MUC5B: variants seen among roughly 807,000 people sequenced by gnomAD.
MUC5B encodes the protein mucin 5B, oligomeric mucus/gel-forming.
MUC5B carries 116 observed loss-of-function variants against 376.9 expected under a neutral mutation model. That is an observed-to-expected ratio of 0.31 (90% CI 0.26 to 0.36). The LOEUF (loss-of-function observed/expected upper bound fraction) is 0.36. MUC5B is among the 10% of genes least tolerant of loss of function. The pLI, the probability that MUC5B is intolerant of heterozygous loss-of-function variation, is 1.00. For missense variants in MUC5B, 7,165 were observed against 7,769.9 expected, an observed-to-expected ratio of 0.92 and a Z score of 2.93; for synonymous variants, 3,517 against 3,390.9, an observed-to-expected ratio of 1.04 and a Z score of -1.29.
rs1414401348 is a variant in MUC5B at position 1,243,719 on chromosome 11, C to A, written c.6839C>A (p.Ser2280Tyr). ...TTTPGHTTAT[S>Y]RTTATATPSK... is the part of the protein sequence containing the mutation. ...ACCCCGGGCCACACCACGGCCACCT[C>A]CAGGACCACAGCCACGGCCACACCC... is the stretch of plus-strand genomic sequence containing the variant. Residue 2280 changes from serine to tyrosine, a missense_variant, in exon 31 of 49, where the codon TCC (serine) becomes TAC (tyrosine). By Grantham distance (144) the Ser-to-Tyr change is moderately radical (BLOSUM62 -2). This residue lies in a region of MUC5B where 79 missense variants were observed against 63.0 expected (regional missense o/e 1.25). Transcript: ENST00000529681. The A allele has an allele frequency of 5.0e-6, 8 of 1,611,642 alleles. No individual in the cohort carries two copies. The African/African-American group carries it at 6.7e-5, about 13-fold the overall frequency.
chr11:1,255,571 G>A lies in MUC5B; in HGVS notation c.16066+13G>A, dbSNP rs1056112929. The A allele has an allele frequency of 6.5e-5, 97 of 1,502,104 alleles. No individual in the cohort carries two copies. Among genetic ancestry groups the A allele is most frequent in the Non-Finnish European group, 7.3e-5 (82 of 1,119,670 alleles). 93.0% of individuals were successfully genotyped at this position (1,502,104 alleles called of 1,614,324 possible). A position where few individuals can be genotyped will look rare whatever the true frequency, so the allele number is the denominator to read the frequency against. On this transcript the variant is annotated intron_variant, in intron 37 of 48. Coordinates refer to ENST00000529681, the MANE Select transcript of MUC5B (RefSeq NM_002458.3). ...GGTGGCCTGTGCGGTGAGTGGGGGC[G>A]GCCCCGGGCCCCCCAGACCCCTCGG...
At position 1,255,191 on chromosome 11, in the gene MUC5B, C is replaced by A; in HGVS notation, c.15815C>A (p.Pro5272His). ...APTGTPPTAS[P>H]AAPVSSTPTP... ...ACTGGCACACCCCCCACTGCCAGCC[C>A]CGCAGCCCCGGTGTCTAGCACACCC... is the stretch of plus-strand genomic sequence containing the variant. The change falls in exon 36 of 49, where the codon CCC becomes CAC. Residue 5272 changes from proline (P) to histidine (H), a missense_variant. By Grantham distance (77) the Pro-to-His change is moderately conservative (BLOSUM62 -2). This residue lies in a region of MUC5B where 842 missense variants were observed against 1,016.9 expected (regional missense o/e 0.83). Transcript: ENST00000529681. The A allele has an allele frequency of 6.4e-7, 1 of 1,551,140 alleles. No individual in the cohort carries two copies. Among genetic ancestry groups the A allele is most frequent in the Non-Finnish European group, 8.7e-7 (1 of 1,147,364 alleles).
In MUC5B at chr11:1,233,227, G is replaced by A. The variant is rs1862073912; in HGVS notation, c.2280G>A (p.Val760=). 6.3e-7 allele frequency: 1 copy of A among 1,594,142 alleles called. No individual in the cohort carries two copies. ...QECPCYAHGT[V]LAPGEVVHDE... is the part of the protein sequence containing the mutation. Reference sequence around the variant, plus strand: ...GCCCCTGCTACGCTCACGGCACCGTGCTGGCTCCTGGAGAGGTGGTGCACG... The same window carrying A: ...GCCCCTGCTACGCTCACGGCACCGTACTGGCTCCTGGAGAGGTGGTGCACG... The change falls in exon 18 of 49, where the codon GTG becomes GTA. Residue 760 remains valine, a synonymous_variant. Transcript: ENST00000529681.
Position 1,250,239 on chromosome 11 carries a change from G to A in MUC5B, c.13359G>A (p.Pro4453=), listed in dbSNP as rs527423680. 50 of 1,603,406 alleles carry A rather than the reference G, an allele frequency of 3.1e-5. No individual in the cohort carries two copies. Among genetic ancestry groups the A allele is most frequent in the Admixed American group, 8.4e-5 (5 of 59,816 alleles). The part of the protein sequence containing the change: ...TPGTTWILTE[P]STTATVTVPT... Reference sequence around the variant, plus strand: ...GGACCACCTGGATCCTCACAGAGCCGAGCACTACAGCCACCGTGACGGTGC... The same window carrying A: ...GGACCACCTGGATCCTCACAGAGCCAAGCACTACAGCCACCGTGACGGTGC... Residue 4453 remains proline, a synonymous_variant, in exon 31 of 49, where the codon CCG becomes CCA. Coordinates refer to ENST00000529681, the MANE Select transcript of MUC5B (RefSeq NM_002458.3).
chr11:1,255,312 C>A, intron 36 of MUC5B, 46 bp downstream of exon 36: 1 of 1,512,286 alleles, frequency 6.6e-7, no homozygotes, highest in Non-Finnish European at 8.9e-7. Flanking sequence ...CGCCCCCGCC[C>A]GCCCGCATGC....
rs1356096555 is a variant in MUC5B at position 1,254,897 on chromosome 11, T to C, written c.15664+17T>C. ...GCCAGTGCGGTGAGTGGGCGGCGGG[T>C]CCTGCCCCGGCCAGGGCTGCTGCTG... On this transcript the variant is annotated intron_variant, in intron 35 of 48. Transcript: ENST00000529681. The C allele has an allele frequency of 6.4e-7, 1 of 1,568,614 alleles. No homozygotes were observed. Among genetic ancestry groups the C allele is most frequent in the Admixed American group, 1.8e-5 (1 of 57,026 alleles).
Position 1,257,670 on chromosome 11 carries a change from GC to G in MUC5B, c.16414del (p.Arg5472GlyfsTer130). The stretch of plus-strand genomic sequence containing the variant: ...GTCCCGGCTTCGTAACCGTGACCAG[GC>G]CCCGGGCCGAGAACCCCTGCTGCCC... Reference protein sequence around the residue: ...NRPGFVTVTRPRAENPCCPET... With the variant: ...NRPGFVTVTRXRAENPCCPET... On this transcript the variant is annotated frameshift_variant, in exon 41 of 49. Transcript: ENST00000529681. LOFTEE classifies it high-confidence loss of function. The surrounding 1 kb of genome is among the most constrained non-coding windows in gnomAD (Gnocchi z 8.9). The G allele has an allele frequency of 6.3e-7, 1 of 1,578,486 alleles. No individual in the cohort carries two copies.
At chr11:1,238,408 C>T (rs542522418) in intron 25 of MUC5B, among the ~76,000 whole-genome samples, 2 of 152,162 alleles carry the variant, frequency 1.3e-5, no homozygotes, top group East Asian at 1.9e-4. Flanking sequence ...GTTGGTTCCG[C>T]TGGAGGGAAG....
chr11:1,251,352 A>T lies in MUC5B; in HGVS notation c.14472A>T (p.Thr4824=). The change falls in exon 31 of 49, where the codon ACA becomes ACT. Residue 4824 remains threonine, a synonymous_variant. Coordinates refer to ENST00000529681, the MANE Select transcript of MUC5B (RefSeq NM_002458.3). ...GTTRILTELT[T]TATTTAATGS... Reference sequence around the variant, plus strand: ...CCCGGATCCTCACTGAGCTGACCACAACAGCCACTACAACTGCAGCCACTG... The same window carrying T: ...CCCGGATCCTCACTGAGCTGACCACTACAGCCACTACAACTGCAGCCACTG... 1 of 1,602,358 alleles carries T rather than the reference A, an allele frequency of 6.2e-7. No individual in the cohort carries two copies. Among genetic ancestry groups the T allele is most frequent in the Non-Finnish European group, 8.5e-7 (1 of 1,174,462 alleles).
In MUC5B at chr11:1,247,548, C is replaced by G; in HGVS notation, c.10668C>G (p.Ser3556Arg). ...CCCGCACCTCGACCCTGCTGCCCAG[C>G]AGCCCCACATCGGCCCCCATAACCA... is the stretch of plus-strand genomic sequence containing the variant. ...SKTRTSTLLPSSPTSAPITTV... is the reference protein window; with the variant it reads ...SKTRTSTLLPRSPTSAPITTV... The change falls in exon 31 of 49, where the codon AGC becomes AGG. Residue 3556 changes from serine (S) to arginine (R), a missense_variant. This residue lies in a region of MUC5B where 939 missense variants were observed against 770.6 expected (regional missense o/e 1.22). Transcript: ENST00000529681. 6.2e-7 allele frequency: 1 copy of G among 1,611,026 alleles called. No individual in the cohort carries two copies. The highest frequency in any genetic ancestry group is 8.5e-7 in the Non-Finnish European group (1 of 1,179,430).
In MUC5B at chr11:1,258,412, T is replaced by C; in HGVS notation, c.16593+45T>C. ...TGGGTGTGGCCCTGGGGCCTGAACA[T>C]GTGTGTGGGATGCCCCGGGGCTCTC... is the stretch of plus-strand genomic sequence containing the variant. On this transcript the variant is annotated intron_variant, in intron 43 of 48. Transcript: ENST00000529681. The surrounding 1 kb of genome is among the most constrained non-coding windows in gnomAD (Gnocchi z 5.5). The C allele has an allele frequency of 6.2e-7, 1 of 1,604,914 alleles. No individual in the cohort carries two copies. The highest frequency in any genetic ancestry group is 2.2e-5 in the East Asian group (1 of 44,736).
chr11:1,235,271 C>T (rs767277899), intron 22 of MUC5B, 32 bp from the exon 23 acceptor site: 54 of 1,610,578 alleles, frequency 3.4e-5, no homozygotes, highest in South Asian at 1.4e-4. Flanking sequence ...CACTCCAGCC[C>T]GCGGCCAGCA....
rs552388914 is a variant in MUC5B at position 1,258,676 on chromosome 11, T to C, written c.16594-266T>C. On this transcript the variant is annotated intron_variant, in intron 43 of 48. Transcript: ENST00000529681. The surrounding 1 kb of genome is among the most constrained non-coding windows in gnomAD (Gnocchi z 5.5). ...CCAGATTCCTACCCGCCCGGATTCC[T>C]GCCTGCCAGATTCCTGCCCCCATGG... Among the ~76,000 whole-genome samples, 1 of 152,118 alleles carries C rather than the reference T, an allele frequency of 6.6e-6. No homozygotes were observed.
At position 1,251,307 on chromosome 11, in the gene MUC5B, C is replaced by G. The variant is rs561973845; in HGVS notation, c.14427C>G (p.Pro4809=). 2 of 1,607,744 alleles carry G rather than the reference C, an allele frequency of 1.2e-6. No homozygotes were observed. The highest frequency in any genetic ancestry group is 1.7e-5 in the Admixed American group (1 of 59,906). ...GGGCCACCAATTCCACGGCCACACC[C>G]TCCTCCACTCTGGGGACGACCCGGA... ...MTRATNSTAT[P]SSTLGTTRIL... Residue 4809 remains proline (P), a synonymous_variant, in exon 31 of 49, where the codon CCC becomes CCG. Transcript: ENST00000529681.
rs1862773006 is a variant in MUC5B at position 1,254,194 on chromosome 11, C to A, written c.15320C>A (p.Ala5107Glu). ...TATGTCCTCATGAGAGAGATCCATG[C>A]ACGCTTTGGGAATCTCAGCCTCTAC... ...CTYVLMREIH[A>E]RFGNLSLYLD... The change falls in exon 34 of 49, where the codon GCA (alanine) becomes GAA (glutamate). Residue 5107 changes from alanine to glutamate, a missense_variant. By Grantham distance (107) the Ala-to-Glu change is moderately radical (BLOSUM62 -1). Transcript: ENST00000529681. The A allele has an allele frequency of 3.1e-6, 5 of 1,612,754 alleles. No homozygotes were observed. Among genetic ancestry groups the A allele is most frequent in the African/African-American group, 1.3e-5 (1 of 74,940 alleles).
In MUC5B at chr11:1,251,549, C is replaced by T. The variant is rs765602572; in HGVS notation, c.14669C>T (p.Thr4890Ile). Residue 4890 changes from threonine (T) to isoleucine (I), a missense_variant, in exon 31 of 49, where the codon ACT becomes ATT. This residue lies in a region of MUC5B where 730 missense variants were observed against 592.7 expected (regional missense o/e 1.23). Coordinates refer to ENST00000529681, the MANE Select transcript of MUC5B (RefSeq NM_002458.3). ...VTTMATMPTA[T>I]ASTVPSSSTV... ...ACCATGGCCACTATGCCCACAGCCA[C>T]TGCCTCCACGGTTCCCAGCTCGTCC... 6.2e-7 allele frequency: 1 copy of T among 1,613,084 alleles called. No individual in the cohort carries two copies. The highest frequency in any genetic ancestry group is 8.5e-7 in the Non-Finnish European group (1 of 1,179,816).
intron 17 of MUC5B, 54 bp from the exon 18 acceptor site, chr11:1,232,959 G>T: frequency 6.7e-7 from 1 of 1,497,902 alleles, no homozygotes. Flanking sequence ...GAAGATGGGG[G>T]CTGGCCAGGC....
At chr11:1,254,438 C>A in intron 34 of MUC5B, 87 bp downstream of exon 34, 1 of 1,529,830 alleles carries the variant, frequency 6.5e-7, no homozygotes, top group Non-Finnish European at 8.8e-7. Context: ...GACCCAGGTG[C>A]CGCAGCGATG....
Position 1,248,437 on chromosome 11 carries a change from C to A in MUC5B, c.11557C>A (p.Pro3853Thr). The A allele has an allele frequency of 1.2e-6, 2 of 1,610,590 alleles. No individual in the cohort carries two copies. Among genetic ancestry groups the A allele is most frequent in the Non-Finnish European group, 1.7e-6 (2 of 1,177,948 alleles). ...CAGGGCCACCGGCTCTGTGGCCACCCCCTCTTCCACCCCAGGAACAGCTCA... is the reference window on the plus strand; with the variant it reads ...CAGGGCCACCGGCTCTGTGGCCACCACCTCTTCCACCCCAGGAACAGCTCA... Reference protein sequence around the residue: ...TTRATGSVATPSSTPGTAHTT... With the variant: ...TTRATGSVATTSSTPGTAHTT... Residue 3853 changes from proline (P) to threonine (T), a missense_variant, in exon 31 of 49, where the codon CCC becomes ACC. Physicochemically the swap from Pro to Thr is conservative, Grantham distance 38 (BLOSUM62 -1). Around this residue, in one of 31 missense-constraint regions of MUC5B, gnomAD observed 242 missense variants for 199.0 expected, o/e 1.22. Coordinates refer to ENST00000529681, the MANE Select transcript of MUC5B (RefSeq NM_002458.3).
Sources: gnomAD v4.1 joint callset for allele counts (sites outside exome capture counted in the v4.1 genomes callset) on GRCh38, gnomAD v4.1.1 for gene constraint, gnomAD v4.1.1 regional missense constraint, Gnocchi (gnomAD v3.1) non-coding constraint, MANE v1.5 for transcripts, NCBI Gene and HGNC (gene_info 2026-07-23, HGNC 2026-07-21) for gene names.